Variants in STMN2 observed in about 807,000 individuals in gnomAD.
STMN2 encodes stathmin 2.
A neutral mutation model predicts 24.1 loss-of-function variants in STMN2; 2 were observed. That is an observed-to-expected ratio of 0.08 (90% CI 0.03 to 0.26). STMN2 has a LOEUF of 0.26. Ranked by LOEUF, STMN2 falls within the 10% of genes least tolerant of loss-of-function variation. STMN2 has a pLI of 1.00. For synonymous variants in STMN2, 83 were observed against 77.5 expected (o/e 1.07, Z -0.37); for missense variants, 114 against 213.6 (o/e 0.53, Z 2.91).
At chr8:79,653,642 A>G (rs1377625828) in intron 3 of STMN2, among the ~76,000 whole-genome samples, 1 of 152,246 alleles carries the variant, frequency 6.6e-6, no homozygotes, top group Non-Finnish European at 1.5e-5. Flanking sequence ...AAATGTCCAC[A>G]ACCACTACCA....
At chr8:79,633,990 A>T (rs1041138061) in intron 1 of STMN2, among the ~76,000 whole-genome samples, 5 of 152,198 alleles carry the variant, frequency 3.3e-5, no homozygotes, top group Non-Finnish European at 7.3e-5. Flanking sequence ...GTTCCGATAC[A>T]GCTTTCATCT....
chr8:79,636,952 A>T, intron 2 of STMN2, 55 bp downstream of exon 2: 2 of 1,532,820 alleles, frequency 1.3e-6, no homozygotes, highest in Non-Finnish European at 9.0e-7. Context: ...GGAAAGGTTG[A>T]CATATATTTG....
At chr8:79,657,491 T>A (rs1806401750) in intron 4 of STMN2, among the ~76,000 whole-genome samples, 1 of 152,190 alleles carries the variant, frequency 6.6e-6, no homozygotes, top group African/African-American at 2.4e-5. Flanking sequence ...CCATACATTT[T>A]AAAAACTCTC....
intron 1 of STMN2, among the ~76,000 whole-genome samples, chr8:79,612,974 C>T (rs1809276907): frequency 6.6e-6 from 1 of 152,174 alleles, no homozygotes; most frequent in Non-Finnish European, 1.5e-5. Context: ...CCCCTCCCAG[C>T]CAAGCGGGTG....
intron 1 of STMN2, among the ~76,000 whole-genome samples, chr8:79,615,669 T>C (rs1224694799): frequency 6.6e-6 from 1 of 152,180 alleles, no homozygotes; most frequent in African/African-American, 2.4e-5. Context: ...GTTCCAAATA[T>C]TAACTGTTTA....
intron 2 of STMN2, among the ~76,000 whole-genome samples, chr8:79,640,577 G>T (rs931380883): frequency 6.6e-6 from 1 of 152,202 alleles, no homozygotes; most frequent in Non-Finnish European, 1.5e-5. Flanking sequence ...CACTAGAGGA[G>T]GATATTCTAA....
At position 79,640,824 on chromosome 8, in the gene STMN2, G is replaced by A. The variant is rs1426554085; in HGVS notation, c.116-554G>A. Among the ~76,000 whole-genome samples, 3 of 152,270 alleles carry A rather than the reference G, an allele frequency of 2.0e-5. No individual in the cohort carries two copies. In the East Asian group the frequency reaches 5.8e-4, roughly 29 times the overall value. On this transcript the variant is annotated intron_variant, in intron 2 of 4. Coordinates refer to ENST00000220876, the MANE Select transcript of STMN2 (RefSeq NM_007029.4). ...TTGCCAAATATGCCCAACTGTTCAG[G>A]GAGTTACATTGGTTCTAACGAAGCT...
chr8:79,640,694 G>A (rs753745446), intron 2 of STMN2, among the ~76,000 whole-genome samples: 281 of 152,224 alleles, frequency 1.8e-3, no homozygotes, highest in Non-Finnish European at 3.4e-3. Context: ...GAGTGATGTT[G>A]TCATCCCTGG....
chr8:79,617,362 C>T (rs188117666), intron 1 of STMN2, among the ~76,000 whole-genome samples: 3 of 152,300 alleles, frequency 2.0e-5, no homozygotes, highest in Non-Finnish European at 4.4e-5. Flanking sequence ...TGATACAATA[C>T]ACGAAATATC....
At chr8:79,624,270 C>G (rs947447908) in intron 1 of STMN2, among the ~76,000 whole-genome samples, 1 of 151,492 alleles carries the variant, frequency 6.6e-6, no homozygotes, top group South Asian at 2.1e-4. Flanking sequence ...CTGGCTAACA[C>G]GGTGAAACCC....
At chr8:79,622,158 A>C (rs1809529107) in intron 1 of STMN2, among the ~76,000 whole-genome samples, 1 of 152,168 alleles carries the variant, frequency 6.6e-6, no homozygotes, top group Non-Finnish European at 1.5e-5. Flanking sequence ...ATGCTCCACT[A>C]CTACTCACTA....
intron 4 of STMN2, among the ~76,000 whole-genome samples, chr8:79,661,903 C>T (rs1806510427): frequency 6.6e-6 from 1 of 152,080 alleles, no homozygotes; most frequent in South Asian, 2.1e-4. Context: ...AGTGCATAGT[C>T]ATTAGTAAAA....
chr8:79,652,612 A>C (rs542750483), intron 3 of STMN2, among the ~76,000 whole-genome samples: 1 of 152,134 alleles, frequency 6.6e-6, no homozygotes, highest in African/African-American at 2.4e-5. Context: ...AGTTGCCATC[A>C]TCTCCTTGTC....
At chr8:79,611,311 GA>G (rs1809214286) in intron 1 of STMN2, 97 bp downstream of exon 1, 1 of 1,525,490 alleles carries the variant, frequency 6.6e-7, no homozygotes, top group African/African-American at 1.4e-5. Flanking sequence ...ATTTTATAAA[GA>G]AAAAGATGTT....
At chr8:79,616,031 A>T (rs1563431990) in intron 1 of STMN2, among the ~76,000 whole-genome samples, 2 of 152,206 alleles carry the variant, frequency 1.3e-5, no homozygotes, top group South Asian at 4.1e-4. Context: ...TTCTTCATCG[A>T]TTGAAATGTG....
At chr8:79,663,405 G>A (rs1260509510) in intron 4 of STMN2, among the ~76,000 whole-genome samples, 1 of 152,138 alleles carries the variant, frequency 6.6e-6, no homozygotes, top group Non-Finnish European at 1.5e-5. Context: ...ATAATAGAAT[G>A]TCCACTATAA....
chr8:79,613,048 G>T (rs1030326584), intron 1 of STMN2, among the ~76,000 whole-genome samples: 3 of 151,398 alleles, frequency 2.0e-5, no homozygotes, highest in African/African-American at 7.3e-5. Flanking sequence ...CACCCAGCCC[G>T]GGCGCGAGAC....
At chr8:79,662,630 T>A (rs187069211) in intron 4 of STMN2, among the ~76,000 whole-genome samples, 2 of 152,220 alleles carry the variant, frequency 1.3e-5, no homozygotes, top group Admixed American at 1.3e-4. Context: ...AAACTCATAA[T>A]CATTTATTTT....
intron 3 of STMN2, among the ~76,000 whole-genome samples, chr8:79,646,626 C>T (rs959454955): frequency 6.6e-6 from 1 of 151,946 alleles, no homozygotes; most frequent in African/African-American, 2.4e-5. Context: ...TGGAGGCCAG[C>T]GTGGCTGAAG....
Sources: gnomAD v4.1 joint callset for allele counts (sites outside exome capture counted in the v4.1 genomes callset) on GRCh38, gnomAD v4.1.1 for gene constraint, MANE v1.5 for transcripts, NCBI Gene and HGNC (gene_info 2026-07-23, HGNC 2026-07-21) for gene names.